The following CRB1 variants were observed in gnomAD, a reference collection of about 807,000 sequenced individuals.
CRB1 encodes crumbs cell polarity complex component 1, also known as protein crumbs homolog 1.
Under a neutral mutation model 120.0 loss-of-function variants are expected in CRB1, and 83 were observed. The ratio of observed to expected loss-of-function variants is 0.69; its 90% confidence interval spans 0.58 to 0.83. The LOEUF (loss-of-function observed/expected upper bound fraction) is 0.83, where lower values mean the gene tolerates loss of function less well. Among genes scored for constraint, CRB1 ranks in the 40% least tolerant of loss-of-function variants. The pLI, the probability that CRB1 is intolerant of heterozygous loss-of-function variation, is 0.00. For missense variants in CRB1, 1,699 were observed against 1,687.6 expected (o/e 1.01, Z -0.12); for synonymous variants, 625 against 612.5 (o/e 1.02, Z -0.30).
intron 8 of CRB1, among the ~76,000 whole-genome samples, chr1:197,430,703 A>G (rs890985413): frequency 3.3e-5 from 5 of 151,944 alleles, no homozygotes; most frequent in African/African-American, 9.7e-5. Context: ...TTGTTCCTTG[A>G]TATTTTGTTA....
upstream of CRB1, among the ~76,000 whole-genome samples, chr1:197,264,795 T>G (rs1402104761): frequency 1.4e-5 from 2 of 144,398 alleles, no homozygotes; most frequent in Non-Finnish European, 3.1e-5. Context: ...CTAACTTTTG[T>G]TTTTTTTTTA....
rs749229702 is a variant in CRB1 at position 197,327,103 on chromosome 1, A to ACC, written c.71-1319_71-1318insCC. 4.1e-5 allele frequency among the ~76,000 whole-genome samples: 4 copies of ACC among 96,748 alleles called. 1 individual carries two copies. The South Asian group carries it at 1.3e-3, about 30-fold the overall frequency. The allele number at this position is 96,748 out of a possible 152,430, so 63.5% of individuals were successfully genotyped here. Reference sequence around the variant, plus strand: ...AATTCTCACACACCAAAAAAAAAAAAAAAAAAAAAAAAAAAAAAAAAAAAA... The same window carrying ACC: ...AATTCTCACACACCAAAAAAAAAAAACCAAAAAAAAAAAAAAAAAAAAAAAAA... On this transcript the variant is annotated intron_variant, in intron 1 of 11. Coordinates refer to ENST00000367400, the MANE Select transcript of CRB1 (RefSeq NM_201253.3).
chr1:197,433,336 A>T (rs1664966975), intron 8 of CRB1, among the ~76,000 whole-genome samples: 2 of 152,148 alleles, frequency 1.3e-5, no homozygotes, highest in African/African-American at 4.8e-5. Flanking sequence ...TTAATGAAAG[A>T]TGATGGTGGT....
chr1:197,257,191 G>T, the CRB1 span, among the ~76,000 whole-genome samples: 1,075 of 152,114 alleles, frequency 7.1e-3, 16 homozygotes, highest in African/African-American at 0.022. Context: ...AATGTCTGAG[G>T]GAAGGAGAAG....
At chr1:197,252,578 A>ATGTGTG in the CRB1 span, among the ~76,000 whole-genome samples, 126 of 28,638 alleles carry the variant, frequency 4.4e-3, no homozygotes, top group Non-Finnish European at 5.9e-3. Flanking sequence ...ATATATATAT[A>ATGTGTG]TATATGTGTG....
At chr1:197,295,781 A>C (rs1225725512) in intron 1 of CRB1, among the ~76,000 whole-genome samples, 1 of 152,020 alleles carries the variant, frequency 6.6e-6, no homozygotes, top group African/African-American at 2.4e-5. Flanking sequence ...GAAGTGCGAC[A>C]TATGGCTGAG....
intron 5 of CRB1, among the ~76,000 whole-genome samples, chr1:197,367,870 G>T (rs1014454075): frequency 6.6e-6 from 1 of 152,064 alleles, no homozygotes; most frequent in Non-Finnish European, 1.5e-5. Context: ...TTCAAACCTC[G>T]GGCAAAAATA....
intron 8 of CRB1, among the ~76,000 whole-genome samples, chr1:197,433,315 A>T (rs114296048): frequency 9.2e-5 from 14 of 152,266 alleles, no homozygotes; most frequent in Non-Finnish European, 1.8e-4. Flanking sequence ...GACACTAAGA[A>T]GTAATTAGTC....
intron 4 of CRB1, among the ~76,000 whole-genome samples, chr1:197,354,020 TAAA>T (rs869086277): frequency 8.6e-6 from 1 of 116,244 alleles, no homozygotes; most frequent in Admixed American, 8.7e-5. Flanking sequence ...TATGAAATGG[TAAA>T]AAAAAAAAAA....
At chr1:197,332,585 A>G (rs1163526298) in intron 2 of CRB1, among the ~76,000 whole-genome samples, 2 of 152,044 alleles carry the variant, frequency 1.3e-5, no homozygotes, top group African/African-American at 4.8e-5. Flanking sequence ...TTGCTCACCA[A>G]TCTCCTACAC....
intron 4 of CRB1, among the ~76,000 whole-genome samples, chr1:197,355,736 C>T (rs1342138442): frequency 6.6e-6 from 1 of 152,198 alleles, no homozygotes; most frequent in African/African-American, 2.4e-5. Flanking sequence ...CGCAGCCCCG[C>T]AAGCGCCCGT....
intron 6 of CRB1, 62 bp from the exon 7 acceptor site, chr1:197,427,392 T>G: frequency 6.7e-7 from 1 of 1,499,692 alleles, no homozygotes; most frequent in Non-Finnish European, 9.3e-7. Context: ...CCATCCCTTC[T>G]GTCTTTTGAG....
intron 5 of CRB1, 182 bp downstream of exon 5, chr1:197,357,195 A>G (rs1328667235): frequency 2.9e-6 from 2 of 690,408 alleles, no homozygotes; most frequent in East Asian, 5.4e-5. Context: ...TCCTCAAATC[A>G]CGAGAGAAAT....
intron 2 of CRB1, among the ~76,000 whole-genome samples, chr1:197,332,032 T>G (rs1483392885): frequency 6.6e-6 from 1 of 151,846 alleles, no homozygotes; most frequent in Non-Finnish European, 1.5e-5. Context: ...TCCCAGCTAC[T>G]GGGAGGCTGA....
At chr1:197,222,286 G>C in the CRB1 span, 1 of 625,654 alleles carries the variant, frequency 1.6e-6, no homozygotes, top group Non-Finnish European at 3.0e-6. Context: ...TTTAGTTCTT[G>C]GTCTGTTATT....
the CRB1 span, among the ~76,000 whole-genome samples, chr1:197,236,884 T>C: frequency 2.6e-5 from 4 of 152,234 alleles, no homozygotes; most frequent in Non-Finnish European, 5.9e-5. Flanking sequence ...TATAATTCTC[T>C]TTAAGCTTTT....
intron 3 of CRB1, among the ~76,000 whole-genome samples, chr1:197,345,948 A>G (rs907119345): frequency 2.6e-5 from 4 of 152,316 alleles, no homozygotes; most frequent in Admixed American, 1.3e-4. Flanking sequence ...GAGACAGGTA[A>G]CTGGCCAACA....
intron 11 of CRB1, among the ~76,000 whole-genome samples, chr1:197,474,780 C>T (rs10922236): frequency 0.42 from 64,348 of 152,012 alleles, 14,652 homozygotes; most frequent in Non-Finnish European, 0.52. Context: ...CCATTTACTC[C>T]AACAGATGAC....
chr1:197,412,375 C>T (rs900218511), intron 5 of CRB1, among the ~76,000 whole-genome samples: 11 of 152,118 alleles, frequency 7.2e-5, no homozygotes, highest in African/African-American at 2.7e-4. Context: ...GTTTCATAGG[C>T]TTTATTATTT....
Sources: allele counts gnomAD v4.1 joint callset (sites outside exome capture counted in the v4.1 genomes callset), GRCh38; gene constraint gnomAD v4.1.1; transcripts MANE v1.5; gene names NCBI Gene and HGNC (gene_info 2026-07-23, HGNC 2026-07-21).